Variants in CFAP96 observed in about 807,000 individuals in gnomAD.
CFAP96 encodes the protein cilia-and flagella-associated protein 96.
the CFAP96 span, chr4:185,425,928 C>T: frequency 6.4e-7 from 1 of 1,562,050 alleles, no homozygotes; most frequent in Non-Finnish European, 8.7e-7. Context: ...GGGGGCCGGC[C>T]CTGAAGTGGT....
chr4:185,419,439 C>CT, the CFAP96 span, among the ~76,000 whole-genome samples: 1 of 152,150 alleles, frequency 6.6e-6, no homozygotes, highest in Admixed American at 6.6e-5. Context: ...CCTCCTACAT[C>CT]TTTTCTAATT....
chr4:185,435,355 G>T, the CFAP96 span, among the ~76,000 whole-genome samples: 150,124 of 152,332 alleles, frequency 0.99, 74,011 homozygotes, highest in East Asian at 1. Context: ...AAGGTTTCAT[G>T]TGTCTTGTAG....
At chr4:185,423,034 T>G in the CFAP96 span, among the ~76,000 whole-genome samples, 897 of 152,326 alleles carry the variant, frequency 5.9e-3, 7 homozygotes, top group African/African-American at 0.02. Context: ...AATTTTTGTA[T>G]TTTTAGTAAG....
the CFAP96 span, chr4:185,418,364 A>G: frequency 8.9e-7 from 1 of 1,129,942 alleles, no homozygotes; most frequent in Non-Finnish European, 1.3e-6. Context: ...GGGTTAAATT[A>G]TTTCTAAGAT....
chr4:185,427,431 G>A, the CFAP96 span, among the ~76,000 whole-genome samples: 53 of 152,308 alleles, frequency 3.5e-4, no homozygotes, highest in African/African-American at 1.2e-3. Flanking sequence ...TTTCAGGCAG[G>A]CTTGCAGAGA....
chr4:185,414,067 G>A, the CFAP96 span, among the ~76,000 whole-genome samples: 10 of 152,136 alleles, frequency 6.6e-5, no homozygotes, highest in South Asian at 2.1e-4. Context: ...TTTCGTTTAC[G>A]TCTGTATCTG....
At chr4:185,440,414 A>T in the CFAP96 span, 1 of 612,672 alleles carries the variant, frequency 1.6e-6, no homozygotes. Flanking sequence ...TTAATGTTTT[A>T]AAAAAGTACA....
the CFAP96 span, among the ~76,000 whole-genome samples, chr4:185,409,606 A>G: frequency 6.6e-6 from 1 of 152,232 alleles, no homozygotes; most frequent in Non-Finnish European, 1.5e-5. Context: ...AGAAAAATTT[A>G]TAACTTGACC....
chr4:185,420,800 CAG>C, the CFAP96 span, among the ~76,000 whole-genome samples: 3 of 152,070 alleles, frequency 2.0e-5, no homozygotes, highest in East Asian at 1.9e-4. Context: ...TGAGTGTTGA[CAG>C]AGTTTGATAA....
chr4:185,443,342 A>ATATATATATATATATATATATATAT, the CFAP96 span, among the ~76,000 whole-genome samples: 1 of 26,730 alleles, frequency 3.7e-5, no homozygotes, highest in Non-Finnish European at 7.4e-5. Flanking sequence ...ATATATATAT[A>ATATATATATATATATATATATATAT]TTTTTTTTTT....
chr4:185,418,475 A>T, the CFAP96 span: 1 of 1,611,496 alleles, frequency 6.2e-7, no homozygotes, highest in South Asian at 1.1e-5. Context: ...CTTTCTCATG[A>T]ATTTTCTTTT....
the CFAP96 span, among the ~76,000 whole-genome samples, chr4:185,435,177 T>G: frequency 6.6e-6 from 1 of 152,258 alleles, no homozygotes; most frequent in East Asian, 1.9e-4. Flanking sequence ...TTCCTTGTTG[T>G]ATTTTAGAAT....
the CFAP96 span, among the ~76,000 whole-genome samples, chr4:185,438,980 G>A: frequency 3.3e-5 from 5 of 152,104 alleles, no homozygotes; most frequent in Non-Finnish European, 7.4e-5. Flanking sequence ...TTTCTCATAC[G>A]TCTGCTGACC....
chr4:185,448,543 A>G, the CFAP96 span, among the ~76,000 whole-genome samples: 1 of 152,150 alleles, frequency 6.6e-6, no homozygotes, highest in African/African-American at 2.4e-5. Flanking sequence ...TCACTGAACC[A>G]CGATTCCCCT....
the CFAP96 span, among the ~76,000 whole-genome samples, chr4:185,424,575 ATGT>A: frequency 6.6e-6 from 1 of 152,238 alleles, no homozygotes; most frequent in Non-Finnish European, 1.5e-5. Flanking sequence ...ATTTAGCTTC[ATGT>A]TGTCCATTTA....
the CFAP96 span, among the ~76,000 whole-genome samples, chr4:185,446,344 G>A: frequency 6.6e-6 from 1 of 152,144 alleles, no homozygotes; most frequent in African/African-American, 2.4e-5. Flanking sequence ...AGTTGATACT[G>A]TCTTAAAACT....
the CFAP96 span, chr4:185,426,509 CCTT>C: frequency 6.5e-6 from 1 of 152,696 alleles, no homozygotes; most frequent in Non-Finnish European, 1.5e-5. Context: ...GTTTTCTGCC[CCTT>C]CTTCACCTCT....
At chr4:185,415,003 A>G in the CFAP96 span, 2 of 637,578 alleles carry the variant, frequency 3.1e-6, no homozygotes, top group African/African-American at 3.9e-5. Flanking sequence ...TCATGAGAAC[A>G]GAAATTAAAT....
chr4:185,440,624 C>G, the CFAP96 span: 4 of 1,530,000 alleles, frequency 2.6e-6, no homozygotes, highest in Non-Finnish European at 3.5e-6. Flanking sequence ...TGACGCTAAT[C>G]CTTATTTTTC....
Sources: gnomAD v4.1 joint callset for allele counts (sites outside exome capture counted in the v4.1 genomes callset) on GRCh38, gnomAD v4.1.1 for gene constraint, MANE v1.5 for transcripts, NCBI Gene and HGNC (gene_info 2026-07-23, HGNC 2026-07-21) for gene names.